SUPT20H: variants seen among roughly 807,000 people sequenced by gnomAD.
SUPT20H encodes the protein transcription factor SPT20 homolog.
SUPT20H carries 82 observed loss-of-function variants against 122.8 expected under a neutral mutation model. That is an observed-to-expected ratio of 0.67 (90% CI 0.56 to 0.80). The LOEUF (loss-of-function observed/expected upper bound fraction) is 0.80. Ranked by LOEUF, SUPT20H falls within the 30% of genes least tolerant of loss-of-function variation. SUPT20H has a pLI of 0.00. For missense variants in SUPT20H, 831 were observed against 921.6 expected, an observed-to-expected ratio of 0.90 and a Z score of 1.27; for synonymous variants, 291 against 313.0, an observed-to-expected ratio of 0.93 and a Z score of 0.74.
chr13:37,048,694 C>A, intron 2 of SUPT20H, 95 bp from the exon 3 acceptor site: 1 of 1,123,798 alleles, frequency 8.9e-7, no homozygotes. Flanking sequence ...TAAAACAGGT[C>A]TAATATATTT....
rs1594547744 is a variant in SUPT20H, at chr13:37,051,710, A to T, written c.-93-127T>A. The T allele has an allele frequency of 2.3e-5, 10 of 432,438 alleles. 1 individual carries two copies. In the East Asian group the frequency reaches 3.4e-4, roughly 15 times the overall value. 26.8% of individuals were successfully genotyped at this position (432,438 alleles called of 1,614,324 possible). A position where few individuals can be genotyped will look rare whatever the true frequency, so the allele number is the denominator to read the frequency against. The stretch of plus-strand genomic sequence containing the variant: ...TTTTTAAGACATACATATTTTTAAG[A>T]CACTTTTTAATAATGAGTAACAATA... On this transcript the variant is annotated intron_variant, in intron 1 of 25. Coordinates refer to ENST00000350612, the MANE Select transcript of SUPT20H (RefSeq NM_001014286.3).
chr13:37,045,426 A>G, intron 5 of SUPT20H, 53 bp from the exon 6 acceptor site: 2 of 1,591,768 alleles, frequency 1.3e-6, no homozygotes, highest in Non-Finnish European at 1.7e-6. Flanking sequence ...AACCTTAACA[A>G]ATAATGCTAT....
In SUPT20H at chr13:37,009,622, G is replaced by C. The variant is rs1420368924; in HGVS notation, c.*50C>G. The C allele has an allele frequency of 3.1e-6, 5 of 1,605,864 alleles. No homozygotes were observed. The highest frequency in any genetic ancestry group is 4.3e-6 in the Non-Finnish European group (5 of 1,173,748). On this transcript the variant is annotated 3_prime_UTR_variant, in exon 26 of 26. Coordinates refer to ENST00000350612, the MANE Select transcript of SUPT20H (RefSeq NM_001014286.3). ...CAAAAAGTAGAAACTCAATTCTTTT[G>C]ATTCAGTGCTCTTGTGTTTTTAAAA...
At chr13:37,031,366 G>A (rs1320366214) in intron 12 of SUPT20H, among the ~76,000 whole-genome samples, 2 of 151,836 alleles carry the variant, frequency 1.3e-5, no homozygotes, top group Non-Finnish European at 2.9e-5. Flanking sequence ...TGTGAAAAAA[G>A]AACAATACAC....
Position 37,009,685 on chromosome 13 carries a change from G to A in SUPT20H, c.2327C>T (p.Thr776Ile). Residue 776 changes from threonine to isoleucine, a missense_variant, in exon 26 of 26, where the codon ACT (threonine) becomes ATT (isoleucine). Coordinates refer to ENST00000350612, the MANE Select transcript of SUPT20H (RefSeq NM_001014286.3). ...GTAATGCAAGACTCAAAATTTTGGA[G>A]TGGTTGGCGTGCCTCTCTTCATTTT... ...KSKMKRGTPT[T>I]PKF 4.3e-6 allele frequency: 7 copies of A among 1,613,662 alleles called. No individual in the cohort carries two copies. The highest frequency in any genetic ancestry group is 5.9e-6 in the Non-Finnish European group (7 of 1,179,896).
intron 24 of SUPT20H, 91 bp from the exon 25 acceptor site, chr13:37,010,746 A>G (rs1274069259): frequency 1.4e-5 from 12 of 866,470 alleles, no homozygotes; most frequent in African/African-American, 3.4e-5. Context: ...GAAATAATAG[A>G]AAAGTTAGCA....
intron 5 of SUPT20H, among the ~76,000 whole-genome samples, chr13:37,045,653 T>C (rs1254710266): frequency 6.6e-6 from 1 of 152,158 alleles, no homozygotes; most frequent in East Asian, 1.9e-4. Flanking sequence ...AAACAAGTAC[T>C]TTTGAATACT....
intron 3 of SUPT20H, 104 bp from the exon 4 acceptor site, chr13:37,048,040 C>A (rs539052094): frequency 1.4e-5 from 10 of 695,578 alleles, no homozygotes; most frequent in Admixed American, 3.2e-5. Context: ...AGGCTATTCA[C>A]TTAACTCTCT....
At chr13:37,029,048 C>T (rs999315555) in intron 13 of SUPT20H, among the ~76,000 whole-genome samples, 1 of 151,916 alleles carries the variant, frequency 6.6e-6, no homozygotes, top group Non-Finnish European at 1.5e-5. Context: ...ATTTCACTCC[C>T]AGAGTTCACC....
At chr13:37,025,037 G>T in intron 17 of SUPT20H, 1 of 345,006 alleles carries the variant, frequency 2.9e-6, no homozygotes, top group Non-Finnish European at 5.5e-6. Flanking sequence ...CACCTCCGGG[G>T]TTCAAGAGAT....
Position 37,022,229 on chromosome 13 carries a change from G to T in SUPT20H, c.1592-149C>A. 6.4e-7 allele frequency: 1 copy of T among 1,565,594 alleles called. No homozygotes were observed. ...CTTGGGGAGTAGGGGTGGCTGAAGG[G>T]GTACTAGGAGTTGAGCTCTGAGCAT... On this transcript the variant is annotated intron_variant, in intron 19 of 25. Transcript: ENST00000350612. This position sits in a 1 kb window ranked among gnomAD's most constrained non-coding sequence, Gnocchi z 4.5.
intron 1 of SUPT20H, among the ~76,000 whole-genome samples, chr13:37,057,722 C>T (rs1185411582): frequency 6.6e-6 from 1 of 152,002 alleles, no homozygotes; most frequent in Non-Finnish European, 1.5e-5. Context: ...ACCTATAATC[C>T]CAGCACTTTG....
intron 9 of SUPT20H, chr13:37,040,100 T>C (rs1348524786): frequency 4.4e-6 from 1 of 227,720 alleles, no homozygotes; most frequent in Admixed American, 5.7e-5. Flanking sequence ...AACCAGTATC[T>C]ATTTGTAACC....
chr13:37,038,676 AC>A lies in SUPT20H; in HGVS notation c.567+1728del, dbSNP rs569301375. ...GGCAACTGAACACTTTTGTGAGTGG[AC>A]ATCTCATATACAAGGGGTCTTTAAA... On this transcript the variant is annotated intron_variant, in intron 9 of 25. Coordinates refer to ENST00000350612, the MANE Select transcript of SUPT20H (RefSeq NM_001014286.3). 6.6e-5 allele frequency: 10 copies of A among 152,360 alleles called. No homozygotes were observed. In the South Asian group the frequency reaches 2.1e-3, roughly 32 times the overall value. The allele number at this position is 152,360 out of a possible 1,614,324, so 9.4% of individuals were successfully genotyped here.
At chr13:37,044,720 T>A (rs1307581444) in intron 6 of SUPT20H, among the ~76,000 whole-genome samples, 1 of 152,222 alleles carries the variant, frequency 6.6e-6, no homozygotes, top group East Asian at 1.9e-4. Flanking sequence ...TATTTTCATA[T>A]TCACCATTAA....
chr13:37,048,380 T>C (rs1191109438), intron 3 of SUPT20H, among the ~76,000 whole-genome samples, 184 bp downstream of exon 3: 3 of 152,142 alleles, frequency 2.0e-5, no homozygotes, highest in Non-Finnish European at 2.9e-5. Flanking sequence ...ATCTTGAGGA[T>C]TCCAAGTAAC....
intron 24 of SUPT20H, among the ~76,000 whole-genome samples, chr13:37,011,356 A>C (rs2138989040): frequency 6.6e-6 from 1 of 152,332 alleles, no homozygotes; most frequent in African/African-American, 2.4e-5. Flanking sequence ...AAGGTATATG[A>C]TTATATAAAC....
chr13:37,011,940 A>G (rs1044060996), intron 24 of SUPT20H, among the ~76,000 whole-genome samples: 26 of 152,174 alleles, frequency 1.7e-4, no homozygotes, highest in African/African-American at 6.0e-4. Flanking sequence ...AGTAAAGTGG[A>G]TAATTATTTT....
intron 5 of SUPT20H, chr13:37,046,857 T>C (rs925742644): frequency 1.3e-5 from 2 of 152,166 alleles, no homozygotes; most frequent in African/African-American, 4.8e-5. Flanking sequence ...ATTTTTTTCC[T>C]AATGTAAAGA....
Sources: gnomAD v4.1 joint callset for allele counts (sites outside exome capture counted in the v4.1 genomes callset) on GRCh38, gnomAD v4.1.1 for gene constraint, Gnocchi (gnomAD v3.1) non-coding constraint, MANE v1.5 for transcripts, NCBI Gene and HGNC (gene_info 2026-07-23, HGNC 2026-07-21) for gene names.